SUCLA2: variants seen among roughly 807,000 people sequenced by gnomAD.
The protein encoded by SUCLA2 is succinate--CoA ligase [ADP-forming] subunit beta, mitochondrial.
SUCLA2 carries 30 observed loss-of-function variants against 54.8 expected under a neutral mutation model. The ratio of observed to expected loss-of-function variants is 0.55; its 90% CI spans 0.41 to 0.74. The LOEUF is 0.74. SUCLA2 is among the 30% of genes least tolerant of loss of function. The pLI is 0.00. For missense variants in SUCLA2, 476 were observed against 562.9 expected (o/e 0.85, Z 1.56); for synonymous variants, 172 against 188.9 (o/e 0.91, Z 0.74).
At chr13:47,997,328 C>G (rs1396839473) in intron 1 of SUCLA2, among the ~76,000 whole-genome samples, 1 of 152,064 alleles carries the variant, frequency 6.6e-6, no homozygotes, top group African/African-American at 2.4e-5. Flanking sequence ...GATCTAAAAC[C>G]AATCTCATCT....
At chr13:47,987,437 T>C (rs1464874850) in intron 4 of SUCLA2, among the ~76,000 whole-genome samples, 4 of 152,228 alleles carry the variant, frequency 2.6e-5, no homozygotes, top group East Asian at 3.9e-4. Flanking sequence ...ATATAATTTA[T>C]GTAAATTTTG....
chr13:47,960,577 GT>G (rs1032389926), intron 6 of SUCLA2, among the ~76,000 whole-genome samples: 2 of 152,050 alleles, frequency 1.3e-5, no homozygotes, highest in Admixed American at 1.3e-4. Flanking sequence ...TGGGTACAAA[GT>G]TTTAATGTTC....
chr13:47,992,615 T>C (rs1453599860), intron 2 of SUCLA2, among the ~76,000 whole-genome samples: 2 of 152,244 alleles, frequency 1.3e-5, no homozygotes, highest in East Asian at 1.9e-4. Context: ...TGCAGTCTTA[T>C]TACATTTGGC....
chr13:47,954,292 G>A lies in SUCLA2; in HGVS notation c.965-10C>T. The A allele has an allele frequency of 6.2e-7, 1 of 1,613,556 alleles. No homozygotes were observed. Among genetic ancestry groups the A allele is most frequent in the Non-Finnish European group, 8.5e-7 (1 of 1,179,732 alleles). On this transcript the variant is annotated splice_polypyrimidine_tract_variant and intron_variant, in intron 7 of 10. Coordinates refer to ENST00000646932, the MANE Select transcript of SUCLA2 (RefSeq NM_003850.3). ...AAACCAGCACCATTTACTATATAGG[G>A]GAAAATGATTTGTATAAGCAACAAA...
intron 6 of SUCLA2, among the ~76,000 whole-genome samples, chr13:47,960,411 T>G (rs1200397541): frequency 6.6e-6 from 1 of 152,156 alleles, no homozygotes; most frequent in African/African-American, 2.4e-5. Flanking sequence ...TTAAGATTTC[T>G]GGCACACACA....
At chr13:47,961,417 C>A (rs1304126562) in intron 6 of SUCLA2, among the ~76,000 whole-genome samples, 1 of 152,064 alleles carries the variant, frequency 6.6e-6, no homozygotes, top group East Asian at 1.9e-4. Flanking sequence ...TTTACAGTGA[C>A]TTTGTGATTC....
chr13:48,000,532 T>C (rs1323323288), intron 1 of SUCLA2, among the ~76,000 whole-genome samples: 1 of 152,166 alleles, frequency 6.6e-6, no homozygotes, highest in East Asian at 1.9e-4. Flanking sequence ...ACACATCAAA[T>C]ATTCAAAACA....
chr13:47,988,468 A>G, intron 4 of SUCLA2, 73 bp downstream of exon 4: 1 of 1,528,402 alleles, frequency 6.5e-7, no homozygotes, highest in Non-Finnish European at 9.0e-7. Context: ...CCACATAAAT[A>G]GAAACAATAA....
chr13:47,983,387 C>G (rs199674549), intron 4 of SUCLA2, among the ~76,000 whole-genome samples: 2 of 151,514 alleles, frequency 1.3e-5, no homozygotes, highest in African/African-American at 4.9e-5. Flanking sequence ...AGAATATAGA[C>G]AAATCTACAG....
intron 6 of SUCLA2, among the ~76,000 whole-genome samples, chr13:47,960,178 G>C (rs1297463241): frequency 6.6e-6 from 1 of 152,078 alleles, no homozygotes. Flanking sequence ...TCATTTGTTT[G>C]CTGTTGTTCT....
intron 6 of SUCLA2, among the ~76,000 whole-genome samples, chr13:47,965,003 G>A (rs1027707520): frequency 2.7e-5 from 4 of 145,832 alleles, no homozygotes; most frequent in Admixed American, 6.9e-5. Flanking sequence ...AAAAAAAGAG[G>A]CCACAGGAGC....
intron 6 of SUCLA2, among the ~76,000 whole-genome samples, chr13:47,960,537 T>C (rs1949861918): frequency 6.6e-6 from 1 of 152,146 alleles, no homozygotes; most frequent in African/African-American, 2.4e-5. Context: ...TTCAATTCAA[T>C]CAATAATTTA....
At chr13:47,958,045 T>C (rs896033787) in intron 6 of SUCLA2, among the ~76,000 whole-genome samples, 14 of 152,146 alleles carry the variant, frequency 9.2e-5, no homozygotes, top group African/African-American at 3.4e-4. Flanking sequence ...TGCTGCTGAA[T>C]GAAAAAGTGG....
chr13:47,994,567 CAAA>C (rs777506622), intron 2 of SUCLA2, among the ~76,000 whole-genome samples: 8 of 44,880 alleles, frequency 1.8e-4, no homozygotes, highest in Non-Finnish European at 3.5e-4. Flanking sequence ...GACTCCGTCT[CAAA>C]AAAAAAAAAA....
chr13:47,999,712 A>G lies in SUCLA2; in HGVS notation c.90+1468T>C, dbSNP rs1198779632. Among the ~76,000 whole-genome samples the G allele has an allele frequency of 9.1e-4, 4 of 4,394 alleles. No individual in the cohort carries two copies. In the East Asian group the frequency reaches 0.21, roughly 235 times the overall value. 2.9% of individuals were successfully genotyped at this position (4,394 alleles called of 152,430 possible). On this transcript the variant is annotated intron_variant, in intron 1 of 10. Transcript: ENST00000646932. ...ACAGAGCAAGACTCCGTCTCAAGGA[A>G]AAAAAAAAAAAAATGTGGAAAACAA...
At chr13:47,967,446 C>T (rs1272115292) in intron 6 of SUCLA2, among the ~76,000 whole-genome samples, 2 of 151,922 alleles carry the variant, frequency 1.3e-5, no homozygotes, top group Non-Finnish European at 2.9e-5. Context: ...AAAAATAGAA[C>T]ATCTCTAACT....
chr13:47,970,858 T>A (rs954662111), intron 5 of SUCLA2, among the ~76,000 whole-genome samples: 2 of 148,324 alleles, frequency 1.3e-5, no homozygotes, highest in Non-Finnish European at 3.0e-5. Flanking sequence ...AGACTCCGTC[T>A]CAAAAAAAAA....
chr13:47,989,002 TTAAA>T, intron 2 of SUCLA2, 21 bp from the exon 3 acceptor site: 1 of 1,600,380 alleles, frequency 6.2e-7, no homozygotes, highest in African/African-American at 1.3e-5. Flanking sequence ...AACACTTCTA[TTAAA>T]TATGAAGCAT....
chr13:47,952,155 A>ACTGACAACTGTCTGAACT (rs1949781538), intron 8 of SUCLA2, among the ~76,000 whole-genome samples: 1 of 152,042 alleles, frequency 6.6e-6, no homozygotes, highest in South Asian at 2.1e-4. Flanking sequence ...CTCTGTCTGA[A>ACTGACAACTGTCTGAACT]TAGTCCTACA....
Sources: gnomAD v4.1 joint callset for allele counts (sites outside exome capture counted in the v4.1 genomes callset) on GRCh38, gnomAD v4.1.1 for gene constraint, MANE v1.5 for transcripts, NCBI Gene and HGNC (gene_info 2026-07-23, HGNC 2026-07-21) for gene names.